The following ROBO1 variants were observed in gnomAD, a reference collection of about 807,000 sequenced individuals.
The protein encoded by ROBO1 is roundabout homolog 1.
Under a neutral mutation model 195.9 loss-of-function variants are expected in ROBO1, and 149 were observed. That is an observed-to-expected ratio of 0.76 (90% CI 0.67 to 0.87). The LOEUF (loss-of-function observed/expected upper bound fraction) is 0.87. Among genes scored for constraint, ROBO1 ranks in the 40% least tolerant of loss-of-function variants. ROBO1 has a pLI of 0.00. For synonymous variants in ROBO1, 816 were observed against 733.2 expected, an observed-to-expected ratio of 1.11 and a Z score of -1.82; for missense variants, 1,933 against 2,068.3, an observed-to-expected ratio of 0.93 and a Z score of 1.27.
At chr3:79,039,981 G>A (rs2108328823) in intron 3 of ROBO1, among the ~76,000 whole-genome samples, 1 of 152,082 alleles carries the variant, frequency 6.6e-6, no homozygotes, top group African/African-American at 2.4e-5. Flanking sequence ...TATGGTAAAT[G>A]CTCAATACAT....
intron 2 of ROBO1, among the ~76,000 whole-genome samples, chr3:79,437,480 T>C (rs1255255914): frequency 6.6e-6 from 1 of 151,632 alleles, no homozygotes; most frequent in African/African-American, 2.4e-5. Flanking sequence ...GAAAGTATAT[T>C]GGCAGGAATA....
intron 1 of ROBO1, among the ~76,000 whole-genome samples, chr3:79,621,953 C>A (rs1945021939): frequency 6.6e-6 from 1 of 151,974 alleles, no homozygotes; most frequent in South Asian, 2.1e-4. Context: ...CCGAGGCTCC[C>A]ATAAAAAAAT....
intron 2 of ROBO1, among the ~76,000 whole-genome samples, chr3:79,523,082 T>C (rs1417746317): frequency 1.3e-5 from 2 of 152,018 alleles, no homozygotes; most frequent in Non-Finnish European, 2.9e-5. Flanking sequence ...TCTAGTTGTT[T>C]TAAAAACAAA....
At chr3:78,841,620 TA>T (rs200449011) in intron 4 of ROBO1, among the ~76,000 whole-genome samples, 5,522 of 151,994 alleles carry the variant, frequency 0.036, 137 homozygotes, top group Middle Eastern at 0.051. Flanking sequence ...GCTAGATCCA[TA>T]AAAAAACAGA....
intron 28 of ROBO1, among the ~76,000 whole-genome samples, chr3:78,612,661 T>C (rs1389560543): frequency 6.6e-6 from 1 of 152,196 alleles, no homozygotes; most frequent in African/African-American, 2.4e-5. Context: ...ACAGTAAGCA[T>C]TCAGCATAAA....
chr3:79,279,921 A>G (rs2031372752), intron 2 of ROBO1, among the ~76,000 whole-genome samples: 1 of 152,246 alleles, frequency 6.6e-6, no homozygotes, highest in Non-Finnish European at 1.5e-5. Flanking sequence ...TAGCCATGAA[A>G]AGAATGAAAT....
chr3:79,486,353 A>G (rs1000394717), intron 2 of ROBO1, among the ~76,000 whole-genome samples: 1 of 152,156 alleles, frequency 6.6e-6, no homozygotes, highest in Non-Finnish European at 1.5e-5. Flanking sequence ...CTTTATATAT[A>G]CCGATTTCTT....
chr3:79,041,322 A>T (rs931468940), intron 3 of ROBO1, among the ~76,000 whole-genome samples: 1 of 152,156 alleles, frequency 6.6e-6, no homozygotes, highest in African/African-American at 2.4e-5. Context: ...CTAAGACAGC[A>T]TCTTGTTCAT....
intron 2 of ROBO1, among the ~76,000 whole-genome samples, chr3:79,426,056 G>A (rs892484115): frequency 1.3e-4 from 20 of 152,074 alleles, no homozygotes; most frequent in Admixed American, 6.6e-5. Context: ...GTATCCAGAA[G>A]GAACTGAAGA....
intron 4 of ROBO1, among the ~76,000 whole-genome samples, chr3:78,860,326 A>ATATATATATATATATATATAT (rs376853384): frequency 1.6e-4 from 15 of 93,518 alleles, no homozygotes; most frequent in African/African-American, 2.7e-4. Flanking sequence ...ATATATATAT[A>ATATATATATATATATATATAT]TTTTTTTTTT....
intron 3 of ROBO1, among the ~76,000 whole-genome samples, chr3:79,096,155 C>A (rs1259713968): frequency 6.6e-6 from 1 of 151,750 alleles, no homozygotes; most frequent in African/African-American, 2.4e-5. Context: ...TGTTCTTGTC[C>A]AAAGAGGCTC....
chr3:78,964,503 A>G (rs921977358), intron 3 of ROBO1, among the ~76,000 whole-genome samples: 2 of 152,040 alleles, frequency 1.3e-5, no homozygotes, highest in Non-Finnish European at 2.9e-5. Context: ...AATATGTCCA[A>G]AAAAAAGGCT....
At chr3:79,265,340 G>C (rs2083020013) in intron 2 of ROBO1, among the ~76,000 whole-genome samples, 1 of 150,820 alleles carries the variant, frequency 6.6e-6, no homozygotes, top group Admixed American at 6.6e-5. Context: ...CTTAGCAAAT[G>C]GTAGTTCCTT....
intron 2 of ROBO1, among the ~76,000 whole-genome samples, chr3:79,212,206 C>G (rs1576821904): frequency 6.6e-6 from 1 of 152,176 alleles, no homozygotes; most frequent in African/African-American, 2.4e-5. Flanking sequence ...ATGGCCATCA[C>G]GAACTTGTCA....
intron 2 of ROBO1, among the ~76,000 whole-genome samples, chr3:79,433,683 C>A (rs1412963190): frequency 1.3e-5 from 2 of 152,094 alleles, no homozygotes; most frequent in East Asian, 1.9e-4. Flanking sequence ...ACTTTCTTCA[C>A]AGAATTGGAA....
At chr3:78,812,003 C>T (rs890244684) in intron 4 of ROBO1, among the ~76,000 whole-genome samples, 1 of 152,082 alleles carries the variant, frequency 6.6e-6, no homozygotes, top group South Asian at 2.1e-4. Context: ...ACGGTGGAAT[C>T]GTTTCCTAGC....
At chr3:78,907,426 T>G (rs939790723) in intron 4 of ROBO1, among the ~76,000 whole-genome samples, 1 of 152,082 alleles carries the variant, frequency 6.6e-6, no homozygotes, top group Non-Finnish European at 1.5e-5. Flanking sequence ...ACTAGCATTG[T>G]GCAAATTAGA....
chr3:79,123,495 G>A (rs1338320169), intron 3 of ROBO1, among the ~76,000 whole-genome samples: 2 of 152,020 alleles, frequency 1.3e-5, no homozygotes, highest in Non-Finnish European at 2.9e-5. Context: ...CACTTGCAAT[G>A]GAAGTTATAA....
intron 3 of ROBO1, among the ~76,000 whole-genome samples, chr3:78,990,684 A>T (rs192422609): frequency 6.6e-6 from 1 of 152,308 alleles, no homozygotes; most frequent in East Asian, 1.9e-4. Flanking sequence ...TCTCCAAATC[A>T]GTTCTTCATC....
Sources: gnomAD v4.1 joint callset for allele counts (sites outside exome capture counted in the v4.1 genomes callset) on GRCh38, gnomAD v4.1.1 for gene constraint, MANE v1.5 for transcripts, NCBI Gene and HGNC (gene_info 2026-07-23, HGNC 2026-07-21) for gene names.